The following ENOSF1 variants were observed in gnomAD, a reference collection of about 807,000 sequenced individuals.
The protein encoded by ENOSF1 is mitochondrial enolase superfamily member 1.
A neutral mutation model predicts 68.2 loss-of-function variants in ENOSF1; 73 were observed. That is an observed-to-expected ratio of 1.07 (90% CI 0.89 to 1.30). The LOEUF (loss-of-function observed/expected upper bound fraction) is 1.30. ENOSF1 is among the 50% of genes most tolerant of loss of function. The pLI, the probability that ENOSF1 is intolerant of heterozygous loss-of-function variation, is 0.00. For synonymous variants in ENOSF1, 223 were observed against 210.4 expected (o/e 1.06, Z -0.52); for missense variants, 589 against 554.5 (o/e 1.06, Z -0.62).
rs999133652 is a variant in ENOSF1 at position 675,345 on chromosome 18, C to A, written c.1206G>T (p.Gln402His). ...HEHFKYPVMI[Q>H]RASYMPPKDP... ...CCTTGGGAGGCATGTAGGAAGCCCGCTGGATCATCACGGGATACTTGAAAT... is the reference window on the plus strand; with the variant it reads ...CCTTGGGAGGCATGTAGGAAGCCCGATGGATCATCACGGGATACTTGAAAT... The change falls in exon 15 of 16, where the codon CAG becomes CAT. Residue 402 changes from glutamine to histidine, a missense_variant. By Grantham distance (24) the Gln-to-His change is conservative (BLOSUM62 0). Transcript: ENST00000647584. The A allele has an allele frequency of 1.2e-6, 2 of 1,612,514 alleles. No homozygotes were observed. The highest frequency in any genetic ancestry group is 1.7e-5 in the Admixed American group (1 of 59,794).
rs749503200 is a variant in ENOSF1 at position 694,247 on chromosome 18, C to T, written c.396+1G>A. 1 of 1,613,974 alleles carries T rather than the reference C, an allele frequency of 6.2e-7. No homozygotes were observed. The highest frequency in any genetic ancestry group is 1.7e-4 in the Middle Eastern group (1 of 6,058). ...TCCTGAGCGTTTGTGAGAGGGGTTA[C>T]CTTTCCCTCCTGCTTGGCCCACAAG... On this transcript the variant is annotated splice_donor_variant, in intron 4 of 15. Transcript: ENST00000647584. LOFTEE classifies it high-confidence loss of function.
chr18:669,212 A>T, downstream of ENOSF1: 1 of 1,567,842 alleles, frequency 6.4e-7, no homozygotes, highest in Non-Finnish European at 8.8e-7. Context: ...TACTAACCAT[A>T]CTCTTAGAGG....
At chr18:702,111 A>C (rs1170867617) in intron 2 of ENOSF1, among the ~76,000 whole-genome samples, 1 of 151,110 alleles carries the variant, frequency 6.6e-6, no homozygotes, top group Non-Finnish European at 1.5e-5. Context: ...AAAAAATACA[A>C]AAATCAGCCC....
At chr18:680,676 G>GTTTT (rs33931715) in intron 11 of ENOSF1, among the ~76,000 whole-genome samples, 5 of 101,038 alleles carry the variant, frequency 4.9e-5, no homozygotes, top group Non-Finnish European at 9.3e-5. Context: ...ATGCTGTTGT[G>GTTTT]TTTTTTTTTT....
chr18:676,628 G>C (rs937433402), intron 14 of ENOSF1, among the ~76,000 whole-genome samples: 1 of 152,120 alleles, frequency 6.6e-6, no homozygotes, highest in Non-Finnish European at 1.5e-5. Context: ...CCAGTCTCAG[G>C]TATTTCTTTA....
At chr18:669,312 C>A, downstream of ENOSF1, 1 of 609,134 alleles carries the variant, frequency 1.6e-6, no homozygotes, top group Non-Finnish European at 2.9e-6. Context: ...TGACGTTGGG[C>A]AAGTCACATT....
At chr18:684,058 A>C (rs909308114) in intron 10 of ENOSF1, among the ~76,000 whole-genome samples, 1 of 150,676 alleles carries the variant, frequency 6.6e-6, no homozygotes, top group South Asian at 2.1e-4. Flanking sequence ...CAGTGGCGCT[A>C]TCTCGGCTCA....
At position 674,402 on chromosome 18, in the gene ENOSF1, G is replaced by A; in HGVS notation, c.1235C>T (p.Pro412Leu). Residue 412 changes from proline to leucine, a missense_variant, in exon 16 of 16, where the codon CCC becomes CTC. Pro to Leu is a moderately conservative substitution (Grantham distance 98, BLOSUM62 -3). Coordinates refer to ENST00000647584, the MANE Select transcript of ENOSF1 (RefSeq NM_017512.7). ...QRASYMPPKD[P>L]GYSTEMKEES... ...CTCCTTCATTTCTGTTGAGTAGCCG[G>A]GATCCTATCAAAGACCAAAAAAATG... 1 of 1,607,088 alleles carries A rather than the reference G, an allele frequency of 6.2e-7. No homozygotes were observed. Among genetic ancestry groups the A allele is most frequent in the Admixed American group, 1.7e-5 (1 of 58,498 alleles).
chr18:689,608 A>T (rs2076950704), intron 8 of ENOSF1, among the ~76,000 whole-genome samples: 1 of 152,250 alleles, frequency 6.6e-6, no homozygotes, highest in Admixed American at 6.5e-5. Flanking sequence ...GTGAACAGGA[A>T]AGTATTAAAT....
At chr18:687,175 T>A (rs1158106247) in intron 9 of ENOSF1, 4 of 151,860 alleles carry the variant, frequency 2.6e-5, no homozygotes, top group East Asian at 3.9e-4. Flanking sequence ...TTCAGAGAGG[T>A]TGAGTAATTG....
downstream of ENOSF1, among the ~76,000 whole-genome samples, chr18:667,517 T>A (rs1334309011): frequency 1.4e-4 from 8 of 55,268 alleles, no homozygotes; most frequent in African/African-American, 2.4e-4. Context: ...ATGGTGATGG[T>A]GATGGTGATG....
chr18:708,551 T>C (rs2079180827), intron 1 of ENOSF1, among the ~76,000 whole-genome samples: 1 of 151,956 alleles, frequency 6.6e-6, no homozygotes, highest in African/African-American at 2.4e-5. Context: ...ACCTTAATAA[T>C]ATAAGGCAGA....
Position 673,425 on chromosome 18 carries a change from TAG to T in ENOSF1, c.*878_*879del. On this transcript the variant is annotated 3_prime_UTR_variant, in exon 16 of 16. Transcript: ENST00000647584. ...CTGAGTAACACCATCGATCATGATGTAGAGTGTGGTTATGAACTTTAAAGTTA... is the reference window on the plus strand; with the variant it reads ...CTGAGTAACACCATCGATCATGATGTAGTGTGGTTATGAACTTTAAAGTTA... The T allele has an allele frequency of 4.6e-6, 1 of 215,128 alleles. No homozygotes were observed. The allele number at this position is 215,128 out of a possible 1,614,324, so 13.3% of individuals were successfully genotyped here. A position where few individuals can be genotyped will look rare whatever the true frequency, so the allele number is the denominator to read the frequency against.
rs1192787868 is a variant in ENOSF1 at position 688,301 on chromosome 18, A to T, written c.653+273T>A. On this transcript the variant is annotated intron_variant, in intron 9 of 15. Transcript: ENST00000647584. ...CTGAATCAACGCTGTTACTGACAGT[A>T]AAGACTGGATTTCTACTCTAGGTTA... 3 of 435,362 alleles carry T rather than the reference A, an allele frequency of 6.9e-6. No individual in the cohort carries two copies. The East Asian group carries it at 1.2e-4, about 17-fold the overall frequency. 27.0% of individuals were successfully genotyped at this position (435,362 alleles called of 1,614,324 possible).
At chr18:684,241 C>T (rs1038213708) in intron 10 of ENOSF1, among the ~76,000 whole-genome samples, 7 of 151,978 alleles carry the variant, frequency 4.6e-5, no homozygotes, top group Non-Finnish European at 8.8e-5. Context: ...GTGATCCGCC[C>T]GCCTCGGCCT....
At position 674,378 on chromosome 18, in the gene ENOSF1, T is replaced by TCC. The variant is rs2075252848; in HGVS notation, c.1257_1258dup (p.Glu420GlyfsTer5). On this transcript the variant is annotated frameshift_variant, in exon 16 of 16. Coordinates refer to ENST00000647584, the MANE Select transcript of ENOSF1 (RefSeq NM_017512.7). LOFTEE classifies it high-confidence loss of function. ...ATACTGGTGTTTCTTTACAGATTCC[T>TCC]CCTTCATTTCTGTTGAGTAGCCGGG... 6.2e-7 allele frequency: 1 copy of TCC among 1,612,740 alleles called. No individual in the cohort carries two copies. Among genetic ancestry groups the TCC allele is most frequent in the Non-Finnish European group, 8.5e-7 (1 of 1,179,562 alleles).
At chr18:676,258 T>C (rs944307597) in intron 14 of ENOSF1, among the ~76,000 whole-genome samples, 1 of 152,140 alleles carries the variant, frequency 6.6e-6, no homozygotes, top group Non-Finnish European at 1.5e-5. Context: ...GCTGATATGG[T>C]TTGGATTTGT....
chr18:709,281 G>A (rs1017913293), intron 1 of ENOSF1, among the ~76,000 whole-genome samples: 1 of 152,124 alleles, frequency 6.6e-6, no homozygotes, highest in African/African-American at 2.4e-5. Context: ...AGACACTGAG[G>A]CCTGAGCCTC....
intron 2 of ENOSF1, among the ~76,000 whole-genome samples, chr18:705,626 C>CA (rs1462999301): frequency 1.3e-5 from 2 of 152,118 alleles, no homozygotes; most frequent in Non-Finnish European, 2.9e-5. Context: ...AAAGAATCTG[C>CA]TCTTCCCCAA....
Sources: allele counts gnomAD v4.1 joint callset (sites outside exome capture counted in the v4.1 genomes callset), GRCh38; gene constraint gnomAD v4.1.1; transcripts MANE v1.5; gene names NCBI Gene and HGNC (gene_info 2026-07-23, HGNC 2026-07-21).